Variants in SLC24A5 observed in about 807,000 individuals in gnomAD.
SLC24A5 encodes solute carrier family 24 member 5.
SLC24A5 carries 46 observed loss-of-function variants against 51.6 expected under a neutral mutation model. That is an observed-to-expected ratio of 0.89 (90% CI 0.70 to 1.14). SLC24A5 has a LOEUF of 1.14. SLC24A5 is among the 50% of genes most tolerant of loss of function. The probability of loss-of-function intolerance (pLI) is 0.00; values close to 1 mark genes in which losing one functional copy is unlikely to be tolerated. For synonymous variants in SLC24A5, 230 were observed against 214.9 expected (o/e 1.07, Z -0.62); for missense variants, 581 against 604.1 (o/e 0.96, Z 0.40).
intron 8 of SLC24A5, chr15:48,141,765 A>AG: frequency 4.2e-6 from 1 of 239,328 alleles, no homozygotes. Flanking sequence ...TAACCATGTT[A>AG]AATTACAATG....
At chr15:48,135,124 C>A in intron 5 of SLC24A5, 140 bp downstream of exon 5, 1 of 592,028 alleles carries the variant, frequency 1.7e-6, no homozygotes. Flanking sequence ...TGTGAGTTAA[C>A]CTCATCACAA....
In SLC24A5 at chr15:48,122,276, A is replaced by G. The variant is rs1337289131; in HGVS notation, c.301+240A>G. 8.4e-6 allele frequency: 5 copies of G among 592,798 alleles called. No individual in the cohort carries two copies. In the East Asian group the frequency reaches 1.4e-4, roughly 16 times the overall value. The allele number at this position is 592,798 out of a possible 1,614,324, so 36.7% of individuals were successfully genotyped here. On this transcript the variant is annotated intron_variant, in intron 2 of 8. Coordinates refer to ENST00000341459, the MANE Select transcript of SLC24A5 (RefSeq NM_205850.3). ...AGTTATTATTTTTCTGCCTATTTCC[A>G]GAAATCTCTAGTTTGTCTACTGCCT...
intron 2 of SLC24A5, chr15:48,123,475 A>G (rs1220559173): frequency 6.6e-6 from 1 of 152,094 alleles, no homozygotes; most frequent in Non-Finnish European, 1.5e-5. Context: ...CACATTTTCC[A>G]ATATTATTAA....
rs371570782 is a variant in SLC24A5, at chr15:48,142,569, T to C, written c.*218T>C. 4.2e-5 allele frequency: 20 copies of C among 473,076 alleles called. No individual in the cohort carries two copies. Among genetic ancestry groups the C allele is most frequent in the African/African-American group, 3.8e-4 (19 of 50,576 alleles). 29.3% of individuals were successfully genotyped at this position (473,076 alleles called of 1,614,324 possible). On this transcript the variant is annotated 3_prime_UTR_variant, in exon 9 of 9. Transcript: ENST00000341459. ...AACAGAAGTTTGGGGGGAAAAAATC[T>C]ATGTTTTACCATACAATAAGTTGAC...
intron 2 of SLC24A5, among the ~76,000 whole-genome samples, chr15:48,131,977 A>G (rs1944482438): frequency 6.6e-6 from 1 of 152,196 alleles, no homozygotes; most frequent in Admixed American, 6.5e-5. Context: ...AGCTGGTATC[A>G]TCAGCAGACA....
At chr15:48,141,247 A>T (rs371758997) in intron 8 of SLC24A5, 33 bp downstream of exon 8, 203 of 1,494,898 alleles carry the variant, frequency 1.4e-4, no homozygotes, top group Admixed American at 2.0e-4. Flanking sequence ...TGCAATGGTC[A>T]TTCTACAAGG....
In SLC24A5 at chr15:48,142,251, G is replaced by T; in HGVS notation, c.1403G>T (p.Gly468Val). 1 of 1,613,512 alleles carries T rather than the reference G, an allele frequency of 6.2e-7. No homozygotes were observed. Among genetic ancestry groups the T allele is most frequent in the Non-Finnish European group, 8.5e-7 (1 of 1,179,670 alleles). The change falls in exon 9 of 9, where the codon GGA becomes GTA. Residue 468 changes from glycine (G) to valine (V), a missense_variant. Gly to Val is a moderately radical substitution (Grantham distance 109). Transcript: ENST00000341459. The part of the protein sequence containing the change: ...FNGWKLDRKL[G>V]IVCLLSYLGL... ...GGCTGGAAACTAGACAGAAAGTTGGGAATAGTCTGCCTATTATCATACTTG... is the reference window on the plus strand; with the variant it reads ...GGCTGGAAACTAGACAGAAAGTTGGTAATAGTCTGCCTATTATCATACTTG...
chr15:48,131,456 G>C (rs561736851), intron 2 of SLC24A5, among the ~76,000 whole-genome samples: 3 of 151,972 alleles, frequency 2.0e-5, no homozygotes, highest in African/African-American at 4.8e-5. Context: ...CCTTTCCTAG[G>C]GGGTGAGTTC....
intron 2 of SLC24A5, 28 bp downstream of exon 2, chr15:48,122,064 C>G (rs761970836): frequency 1.2e-6 from 2 of 1,609,370 alleles, no homozygotes; most frequent in Non-Finnish European, 1.7e-6. Context: ...TGCCCTGTAA[C>G]CTTCTGGGAG....
intron 7 of SLC24A5, chr15:48,140,044 G>A (rs1002910080): frequency 4.6e-5 from 7 of 151,864 alleles, no homozygotes; most frequent in Admixed American, 6.6e-5. Context: ...CCAAATTAAT[G>A]TAAGTCTCAG....
At chr15:48,133,678 A>T (rs1233355150) in intron 2 of SLC24A5, among the ~76,000 whole-genome samples, 3 of 152,138 alleles carry the variant, frequency 2.0e-5, no homozygotes, top group African/African-American at 7.2e-5. Context: ...TTTTCTTGTG[A>T]CTATCAGCCA....
chr15:48,131,162 C>T (rs1374663733), intron 2 of SLC24A5, among the ~76,000 whole-genome samples: 1 of 151,948 alleles, frequency 6.6e-6, no homozygotes, highest in Non-Finnish European at 1.5e-5. Context: ...TCTCCTTTAT[C>T]TTTTTGTTCT....
rs1234686744 is a variant in SLC24A5, at chr15:48,121,972, G to A, written c.237G>A (p.Met79Ile). The A allele has an allele frequency of 9.9e-6, 16 of 1,614,032 alleles. No homozygotes were observed. The highest frequency in any genetic ancestry group is 2.2e-5 in the East Asian group (1 of 44,898). ...IIIYFLIIVYMFMAISIVCDE... is the reference protein window; with the variant it reads ...IIIYFLIIVYIFMAISIVCDE... The stretch of plus-strand genomic sequence containing the variant: ...TCTATTTCCTAATTATCGTTTACAT[G>A]TTCATGGCCATATCTATTGTCTGTG... Residue 79 changes from methionine (M) to isoleucine (I), a missense_variant, in exon 2 of 9, where the codon ATG becomes ATA. Transcript: ENST00000341459.
intron 4 of SLC24A5, 98 bp from the exon 5 acceptor site, chr15:48,134,783 CAAT>C (rs1347082061): frequency 1.0e-6 from 1 of 954,230 alleles, no homozygotes; most frequent in Admixed American, 2.6e-5. Flanking sequence ...CAAAAGATAA[CAAT>C]ATTTAACTAC....
At position 48,134,899 on chromosome 15, in the gene SLC24A5, T is replaced by C. The variant is rs374448307; in HGVS notation, c.505T>C (p.Cys169Arg). Reference protein sequence around the residue: ...LLSNTVSTLSCWPLFRDCAAY... With the variant: ...LLSNTVSTLSRWPLFRDCAAY... ...CATATTACAGGTCTCAACACTATCA[T>C]GTTGGCCCCTATTCAGAGACTGTGC... The change falls in exon 5 of 9, where the codon TGT (cysteine) becomes CGT (arginine). Residue 169 changes from cysteine (C) to arginine (R), a missense_variant. Coordinates refer to ENST00000341459, the MANE Select transcript of SLC24A5 (RefSeq NM_205850.3). 4.3e-6 allele frequency: 7 copies of C among 1,611,624 alleles called. No individual in the cohort carries two copies. In the African/African-American group the frequency reaches 5.3e-5, roughly 12 times the overall value.
rs770538169 is a variant in SLC24A5, at chr15:48,134,872, A to G, written c.490-12A>G. 2.5e-6 allele frequency: 4 copies of G among 1,574,410 alleles called. No individual in the cohort carries two copies. In the East Asian group the frequency reaches 9.0e-5, roughly 35 times the overall value. ...TACAATGTAATGGAAATAATAACTT[A>G]CCATATTACAGGTCTCAACACTATC... is the stretch of plus-strand genomic sequence containing the variant. On this transcript the variant is annotated splice_polypyrimidine_tract_variant and intron_variant, in intron 4 of 8. Transcript: ENST00000341459.
intron 2 of SLC24A5, among the ~76,000 whole-genome samples, chr15:48,126,979 A>C (rs533768321): frequency 3.2e-4 from 48 of 152,302 alleles, no homozygotes; most frequent in Admixed American, 1.4e-3. Flanking sequence ...CTGGAGGGGA[A>C]GGACACAGCC....
rs1232841559 is a variant in SLC24A5 at position 48,121,165 on chromosome 15, G to T, written c.121G>T (p.Gly41Ter). ...SLPQRLPRAT[G>*]NSTQCVISPS... ...GCCCCAACGTCTCCCAAGGGCCACA[G>T]GTAGGTGGACATTGGGGTCAGTTAG... The change falls in exon 1 of 9, where the codon GGA becomes TGA. Residue 41 changes from glycine to a stop codon, truncating the protein, a stop_gained and splice_region_variant. Transcript: ENST00000341459. LOFTEE classifies it high-confidence loss of function. 1.2e-6 allele frequency: 2 copies of T among 1,610,760 alleles called. No homozygotes were observed. Among genetic ancestry groups the T allele is most frequent in the East Asian group, 4.5e-5 (2 of 44,764 alleles).
Position 48,136,692 on chromosome 15 carries a change from G to A in SLC24A5, c.600G>A (p.Gly200=), listed in dbSNP as rs142049412. 109 of 1,605,374 alleles carry A rather than the reference G, an allele frequency of 6.8e-5. No individual in the cohort carries two copies. The African/African-American group carries it at 1.3e-3, about 19-fold the overall frequency. ...AATTTCTCTTTTGTAGGTATGAAGG[G>A]GCTTTACTGCTTTTGATATATGGAT... The part of the protein sequence containing the change: ...IYDNQVYWYE[G]ALLLLIYGLY... The change falls in exon 6 of 9, where the codon GGG becomes GGA. Residue 200 remains glycine (G), a synonymous_variant. Transcript: ENST00000341459.
Sources: gnomAD v4.1 joint callset for allele counts (sites outside exome capture counted in the v4.1 genomes callset) on GRCh38, gnomAD v4.1.1 for gene constraint, MANE v1.5 for transcripts, NCBI Gene and HGNC (gene_info 2026-07-23, HGNC 2026-07-21) for gene names.